The following KCMF1 variants were observed in gnomAD, a reference collection of about 807,000 sequenced individuals.
KCMF1 encodes potassium channel modulatory factor 1.
In KCMF1, 3 loss-of-function variants were observed where a neutral mutation model predicts 41.1. The observed-to-expected ratio is 0.07, with a 90% confidence interval of 0.03 to 0.19. The LOEUF (loss-of-function observed/expected upper bound fraction) is 0.19, where lower values mean the gene tolerates loss of function less well. Among genes scored for constraint, KCMF1 ranks in the 10% least tolerant of loss-of-function variants. KCMF1 has a pLI of 1.00. For synonymous variants in KCMF1, 142 were observed against 164.5 expected (o/e 0.86, Z 1.04); for missense variants, 286 against 488.9 (o/e 0.58, Z 3.91).
intron 1 of KCMF1, among the ~76,000 whole-genome samples, chr2:85,022,788 C>T (rs528402476): frequency 6.6e-6 from 1 of 152,174 alleles, no homozygotes; most frequent in East Asian, 1.9e-4. Context: ...GAGCCACTGA[C>T]CAAAATTTTA....
chr2:85,045,312 C>G (rs1413578004), intron 4 of KCMF1, among the ~76,000 whole-genome samples: 1 of 151,966 alleles, frequency 6.6e-6, no homozygotes, highest in Non-Finnish European at 1.5e-5. Flanking sequence ...ATATCACTTT[C>G]TCTAGAACCC....
intron 3 of KCMF1, among the ~76,000 whole-genome samples, chr2:85,040,026 G>C (rs1317190283): frequency 6.6e-6 from 1 of 152,128 alleles, no homozygotes. Context: ...ATGTTGGCCA[G>C]ACTGGTCTCA....
rs1053296268 is a variant in KCMF1 at position 84,971,379 on chromosome 2, C to T, written c.-73C>T. ...GTGGGAGTCGGCCGGCCGGCGCGGGCAGCGCCGGGACCCCGCGGGGGACAC... is the reference window on the plus strand; with the variant it reads ...GTGGGAGTCGGCCGGCCGGCGCGGGTAGCGCCGGGACCCCGCGGGGGACAC... On this transcript the variant is annotated 5_prime_UTR_variant, in exon 1 of 7. Transcript: ENST00000409785. 2.0e-5 allele frequency: 20 copies of T among 1,016,066 alleles called. No homozygotes were observed. The highest frequency in any genetic ancestry group is 1.2e-4 in the African/African-American group (7 of 57,022). The allele number at this position is 1,016,066 out of a possible 1,614,324, so 62.9% of individuals were successfully genotyped here.
intron 1 of KCMF1, among the ~76,000 whole-genome samples, chr2:84,997,648 G>A (rs748659950): frequency 2.0e-5 from 3 of 151,870 alleles, no homozygotes; most frequent in Non-Finnish European, 4.4e-5. Context: ...GTTGAGTGGT[G>A]TCTGTTCAGT....
In KCMF1 at chr2:85,057,684, G is replaced by C. The variant is rs114591373; in HGVS notation, c.*4275G>C. ...GTACTCTTGCCTCTTGGTTTCTGTA[G>C]TTTTTCAACCCATTTCTGTCAGTGT... On this transcript the variant is annotated 3_prime_UTR_variant, in exon 7 of 7. Coordinates refer to ENST00000409785, the MANE Select transcript of KCMF1 (RefSeq NM_020122.5). The C allele has an allele frequency of 2.6e-5, 4 of 152,162 alleles. No individual in the cohort carries two copies. The highest frequency in any genetic ancestry group is 9.7e-5 in the African/African-American group (4 of 41,422). The allele number at this position is 152,162 out of a possible 1,614,324, so 9.4% of individuals were successfully genotyped here.
intron 1 of KCMF1, among the ~76,000 whole-genome samples, chr2:85,002,561 C>T (rs575481023): frequency 2.7e-4 from 41 of 151,990 alleles, no homozygotes; most frequent in African/African-American, 9.6e-4. Flanking sequence ...AAGAAACCAA[C>T]ACTAGTACAT....
intron 1 of KCMF1, among the ~76,000 whole-genome samples, chr2:85,003,195 C>T (rs1033315456): frequency 7.2e-5 from 11 of 152,066 alleles, no homozygotes; most frequent in South Asian, 2.1e-4. Context: ...TCTTGTTGGC[C>T]GGGCGCGGTG....
intron 1 of KCMF1, among the ~76,000 whole-genome samples, chr2:85,021,658 C>G (rs1403593389): frequency 6.6e-6 from 1 of 151,982 alleles, no homozygotes; most frequent in African/African-American, 2.4e-5. Flanking sequence ...TGAGATAATA[C>G]TACCATTTTA....
chr2:84,998,568 C>CTTATTTAT (rs55809220), intron 1 of KCMF1, among the ~76,000 whole-genome samples: 2,399 of 151,162 alleles, frequency 0.016, 31 homozygotes, highest in Non-Finnish European at 0.025. Context: ...GAGCCAACGC[C>CTTATTTAT]TTATTTATTT....
intron 1 of KCMF1, among the ~76,000 whole-genome samples, chr2:85,019,106 T>C (rs1251121408): frequency 6.6e-6 from 1 of 152,264 alleles, no homozygotes. Flanking sequence ...TCATTCTTCC[T>C]GTGAAGGAAT....
chr2:84,977,834 G>A (rs1673588925), intron 1 of KCMF1, among the ~76,000 whole-genome samples: 1 of 151,956 alleles, frequency 6.6e-6, no homozygotes, highest in African/African-American at 2.4e-5. Context: ...TGGGGTCTTT[G>A]ATTTCATAAT....
chr2:85,008,097 A>G (rs959177659), intron 1 of KCMF1, among the ~76,000 whole-genome samples: 2 of 151,594 alleles, frequency 1.3e-5, no homozygotes, highest in East Asian at 1.9e-4. Flanking sequence ...CATGAACACC[A>G]AGTTAGCAAT....
At chr2:84,995,022 TATTA>T (rs961486734) in intron 1 of KCMF1, among the ~76,000 whole-genome samples, 1 of 151,194 alleles carries the variant, frequency 6.6e-6, no homozygotes, top group Non-Finnish European at 1.5e-5. Flanking sequence ...ATTTAAATTT[TATTA>T]ATTTTTTTTT....
chr2:85,008,409 T>TGATATATATGATATATATTATATATCA (rs1558573734), intron 1 of KCMF1, among the ~76,000 whole-genome samples: 1 of 127,308 alleles, frequency 7.9e-6, no homozygotes, highest in African/African-American at 3.0e-5. Flanking sequence ...ATATATCATA[T>TGATATATATGATATATATTATATATCA]TATATATTAT....
intron 2 of KCMF1, among the ~76,000 whole-genome samples, chr2:85,032,363 A>AT (rs200228405): frequency 7.0e-4 from 100 of 143,342 alleles, no homozygotes; most frequent in African/African-American, 2.5e-3. Flanking sequence ...TTTTTATTTT[A>AT]TTTTATTTTT....
At chr2:84,993,762 G>A (rs1227513639) in intron 1 of KCMF1, among the ~76,000 whole-genome samples, 4 of 151,664 alleles carry the variant, frequency 2.6e-5, no homozygotes, top group East Asian at 3.9e-4. Context: ...TTTTAGTAGA[G>A]ACAGGGTTTC....
At chr2:84,993,907 G>T (rs1370878119) in intron 1 of KCMF1, among the ~76,000 whole-genome samples, 1 of 1,046 alleles carries the variant, frequency 9.6e-4, no homozygotes, top group Non-Finnish European at 4.0e-3. Flanking sequence ...AACATTTTTT[G>T]TTTTGTTTTG....
intron 1 of KCMF1, among the ~76,000 whole-genome samples, chr2:84,975,425 C>T (rs866267126): frequency 7.9e-5 from 12 of 152,080 alleles, no homozygotes; most frequent in African/African-American, 2.9e-4. Flanking sequence ...ACAGACTGAA[C>T]CAGCTCCTCC....
chr2:84,995,425 G>C (rs765595362), intron 1 of KCMF1, among the ~76,000 whole-genome samples: 4 of 152,060 alleles, frequency 2.6e-5, no homozygotes, highest in African/African-American at 9.7e-5. Context: ...AGAATATTTC[G>C]TAGGTGCCGA....
Sources: gnomAD v4.1 joint callset for allele counts (sites outside exome capture counted in the v4.1 genomes callset) on GRCh38, gnomAD v4.1.1 for gene constraint, MANE v1.5 for transcripts, NCBI Gene and HGNC (gene_info 2026-07-23, HGNC 2026-07-21) for gene names.